Variants in PRKDC observed in about 807,000 individuals in gnomAD.
PRKDC encodes protein kinase, DNA-activated, catalytic subunit, also known as DNA-dependent protein kinase catalytic subunit.
In PRKDC, 82 loss-of-function variants were observed where a neutral mutation model predicts 486.9. The observed-to-expected ratio is 0.17, with a 90% CI of 0.14 to 0.20. The LOEUF is 0.20. Among genes scored for constraint, PRKDC ranks in the 10% least tolerant of loss-of-function variants. PRKDC has a pLI of 1.00. For missense variants in PRKDC, 4,504 were observed against 5,038.2 expected, an observed-to-expected ratio of 0.89 and a Z score of 3.21; for synonymous variants, 1,895 against 1,837.0, an observed-to-expected ratio of 1.03 and a Z score of -0.81.
rs761521298 is a variant in PRKDC, at chr8:47,882,133, T to C, written c.4777-36A>G. 7 of 1,567,384 alleles carry C rather than the reference T, an allele frequency of 4.5e-6. No individual in the cohort carries two copies. In the Admixed American group the frequency reaches 1.3e-4, roughly 30 times the overall value. On this transcript the variant is annotated intron_variant, in intron 36 of 85. Transcript: ENST00000314191. ...TTCGTTGTGAGTGAAGAAAAATTCT[T>C]AATTTTGAGAATGACAGAAAACAAA...
chr8:47,800,724 C>T (rs764084214), intron 71 of PRKDC, 69 bp downstream of exon 71: 1 of 1,370,456 alleles, frequency 7.3e-7, no homozygotes, highest in Non-Finnish European at 9.7e-7. Flanking sequence ...TATTACTTTC[C>T]TGTAGCCTGA....
chr8:47,853,724 T>G (rs4873737), intron 51 of PRKDC, among the ~76,000 whole-genome samples: 34,314 of 152,144 alleles, frequency 0.23, 7,521 homozygotes, highest in African/African-American at 0.56. Flanking sequence ...CCTCTCACCT[T>G]CCAGCATGGA....
chr8:47,788,970 A>G lies in PRKDC; in HGVS notation c.10838T>C (p.Met3613Thr). ...KKNIEKMYER[M>T]YAALGDPKAP... The stretch of plus-strand genomic sequence containing the variant: ...CTTTGGGTCACCCAAGGCTGCATAC[A>G]TTCTTTCATACATTTTTTCAATGTT... The change falls in exon 76 of 86, where the codon ATG (methionine) becomes ACG (threonine). Residue 3613 changes from methionine to threonine, a missense_variant. Physicochemically the swap from Met to Thr is moderately conservative, Grantham distance 81. Around this residue, in one of 6 missense-constraint regions of PRKDC, gnomAD observed 706 missense variants for 945.0 expected, o/e 0.75. Transcript: ENST00000314191. The G allele has an allele frequency of 1.2e-6, 2 of 1,613,540 alleles. No homozygotes were observed. Among genetic ancestry groups the G allele is most frequent in the African/African-American group, 1.3e-5 (1 of 74,990 alleles).
In PRKDC at chr8:47,892,066, C is replaced by T. The variant is rs948524909; in HGVS notation, c.3847+1073G>A. Among the ~76,000 whole-genome samples the T allele has an allele frequency of 1.5e-4, 23 of 152,084 alleles. 1 individual carries two copies. The highest frequency in any genetic ancestry group is 6.2e-4 in the South Asian group (3 of 4,812). Reference sequence around the variant, plus strand: ...TGTATTTTTGGTAGATACGGGATTTCGCCATGTTGGCCAGACTGGTTTCGA... The same window carrying T: ...TGTATTTTTGGTAGATACGGGATTTTGCCATGTTGGCCAGACTGGTTTCGA... On this transcript the variant is annotated intron_variant, in intron 31 of 85. Coordinates refer to ENST00000314191, the MANE Select transcript of PRKDC (RefSeq NM_006904.7).
intron 50 of PRKDC, 71 bp downstream of exon 50, chr8:47,855,151 A>G (rs1171126088): frequency 7.5e-6 from 10 of 1,329,714 alleles, no homozygotes; most frequent in Non-Finnish European, 9.2e-6. Context: ...ATTTCACTGT[A>G]ATCATCATTT....
At chr8:47,807,005 T>G in intron 69 of PRKDC, 132 bp downstream of exon 69, 1 of 960,034 alleles carries the variant, frequency 1.0e-6, no homozygotes, top group Middle Eastern at 2.3e-4. Context: ...CAAGTTTACT[T>G]ATAAAGAGAG....
intron 40 of PRKDC, among the ~76,000 whole-genome samples, chr8:47,872,501 T>TAAAAAAAA (rs748681244): frequency 4.0e-5 from 3 of 74,112 alleles, no homozygotes; most frequent in East Asian, 3.5e-4. Context: ...TATAAAAAAG[T>TAAAAAAAA]AAAAAAAAAA....
chr8:47,793,946 T>C (rs2086933168), intron 74 of PRKDC, among the ~76,000 whole-genome samples: 1 of 152,196 alleles, frequency 6.6e-6, no homozygotes, highest in Non-Finnish European at 1.5e-5. Flanking sequence ...GGCCATCTAC[T>C]GAGTCCTAAT....
chr8:47,816,578 T>C (rs572505620), intron 68 of PRKDC, among the ~76,000 whole-genome samples: 17 of 152,298 alleles, frequency 1.1e-4, no homozygotes, highest in African/African-American at 3.9e-4. Context: ...AAAAATTCTT[T>C]TTCTTAAGAA....
chr8:47,892,657 T>C (rs1016886147), intron 31 of PRKDC, among the ~76,000 whole-genome samples: 20 of 152,164 alleles, frequency 1.3e-4, no homozygotes, highest in Non-Finnish European at 4.4e-5. Context: ...TGTACATCTT[T>C]TCATTAAAAA....
chr8:47,871,212 T>G (rs922502426), intron 40 of PRKDC, among the ~76,000 whole-genome samples: 1 of 152,068 alleles, frequency 6.6e-6, no homozygotes, highest in Non-Finnish European at 1.5e-5. Flanking sequence ...TTGAGAAAGA[T>G]AGCAATATTC....
intron 46 of PRKDC, 133 bp downstream of exon 46, chr8:47,859,478 C>A: frequency 9.1e-7 from 1 of 1,097,642 alleles, no homozygotes. Flanking sequence ...GAAAATTCTC[C>A]AAATTAACTC....
chr8:47,909,309 T>C (rs2089853986), intron 25 of PRKDC, among the ~76,000 whole-genome samples: 1 of 152,228 alleles, frequency 6.6e-6, no homozygotes, highest in Non-Finnish European at 1.5e-5. Context: ...TACACCTCTC[T>C]TTACTGCAGT....
chr8:47,808,413 T>G (rs2087258336), intron 68 of PRKDC, among the ~76,000 whole-genome samples: 2 of 152,202 alleles, frequency 1.3e-5, no homozygotes, highest in Non-Finnish European at 2.9e-5. Flanking sequence ...ATTACAGATA[T>G]GAGCCACCAT....
chr8:47,825,171 C>T (rs1332349373), intron 63 of PRKDC, among the ~76,000 whole-genome samples: 1 of 152,038 alleles, frequency 6.6e-6, no homozygotes, highest in East Asian at 1.9e-4. Flanking sequence ...CTACATACCC[C>T]TATACTGGTT....
intron 26 of PRKDC, 40 bp from the exon 27 acceptor site, chr8:47,902,835 A>G (rs564948492): frequency 6.7e-7 from 1 of 1,486,150 alleles, no homozygotes; most frequent in East Asian, 2.3e-5. Flanking sequence ...ACTAATTTTT[A>G]TAACCACTGA....
At chr8:47,828,662 T>C (rs2087793560) in intron 61 of PRKDC, among the ~76,000 whole-genome samples, 1 of 152,192 alleles carries the variant, frequency 6.6e-6, no homozygotes. Flanking sequence ...AAATGGGGGC[T>C]ACCAGAACAC....
At position 47,897,268 on chromosome 8, in the gene PRKDC, C is replaced by G. The variant is rs542013946; in HGVS notation, c.3491G>C (p.Cys1164Ser). 101 of 1,599,560 alleles carry G rather than the reference C, an allele frequency of 6.3e-5. No individual in the cohort carries two copies. Among genetic ancestry groups the G allele is most frequent in the Non-Finnish European group, 8.3e-5 (97 of 1,168,668 alleles). ...AAGCCACTTGACCAGATCCAATAAA[C>G]ACAATGATGCGGAAGGTGGAAATCC... ...PRGFPPSASL[C>S]LLDLVKWLLA... The change falls in exon 30 of 86, where the codon TGT (cysteine) becomes TCT (serine). Residue 1164 changes from cysteine (C) to serine (S), a missense_variant. Cys to Ser is a moderately radical substitution (Grantham distance 112). Transcript: ENST00000314191.
intron 65 of PRKDC, 45 bp from the exon 66 acceptor site, chr8:47,820,988 G>A: frequency 6.6e-6 from 8 of 1,215,360 alleles, no homozygotes; most frequent in Non-Finnish European, 9.1e-6. Flanking sequence ...AGGCCAATTT[G>A]AGTATGTCTA....
Sources: allele counts gnomAD v4.1 joint callset (sites outside exome capture counted in the v4.1 genomes callset), GRCh38; gene constraint gnomAD v4.1.1; regional missense constraint gnomAD v4.1.1; transcripts MANE v1.5; gene names NCBI Gene and HGNC (gene_info 2026-07-23, HGNC 2026-07-21).